SEMA3A: variants seen among roughly 807,000 people sequenced by gnomAD.
SEMA3A encodes the protein semaphorin 3A.
SEMA3A carries 29 observed loss-of-function variants against 97.9 expected under a neutral mutation model. The observed-to-expected ratio is 0.30, with a 90% CI of 0.22 to 0.40. SEMA3A has a LOEUF of 0.40. Ranked by LOEUF, SEMA3A falls within the 10% of genes least tolerant of loss-of-function variation. The pLI is 1.00. For missense variants in SEMA3A, 763 were observed against 951.3 expected (o/e 0.80, Z 2.60); for synonymous variants, 321 against 323.7 (o/e 0.99, Z 0.09).
At chr7:84,196,353 TTCTCTCTCTCTCTC>T (rs60887913), upstream of SEMA3A, among the ~76,000 whole-genome samples, 1 of 149,148 alleles carries the variant, frequency 6.7e-6, no homozygotes, top group Admixed American at 6.7e-5. Flanking sequence ...TCGCTCTGCT[TTCTCTCTCTCTCTC>T]TCTCTCTCTC....
intron 3 of SEMA3A, among the ~76,000 whole-genome samples, chr7:84,227,171 T>C (rs1248502466): frequency 2.0e-5 from 3 of 151,676 alleles, no homozygotes; most frequent in Non-Finnish European, 4.4e-5. Context: ...TATATGTATC[T>C]ATATATCTAT....
At chr7:84,062,827 G>T (rs987317345) in intron 4 of SEMA3A, among the ~76,000 whole-genome samples, 2 of 149,896 alleles carry the variant, frequency 1.3e-5, no homozygotes, top group Admixed American at 1.3e-4. Flanking sequence ...CTACAAGGCC[G>T]CAGCGAGGCG....
intron 12 of SEMA3A, among the ~76,000 whole-genome samples, chr7:83,988,580 A>T (rs572348415): frequency 3.3e-5 from 5 of 152,258 alleles, no homozygotes; most frequent in African/African-American, 1.2e-4. Flanking sequence ...TTTCTTAACA[A>T]ATTTAAGACA....
chr7:83,966,606 C>T (rs1457549117), intron 15 of SEMA3A, among the ~76,000 whole-genome samples: 1 of 152,150 alleles, frequency 6.6e-6, no homozygotes, highest in Admixed American at 6.5e-5. Context: ...CTATCAATCA[C>T]GATCAAGATA....
intron 1 of SEMA3A, among the ~76,000 whole-genome samples, chr7:84,184,031 G>C (rs564919139): frequency 3.1e-4 from 47 of 152,202 alleles, no homozygotes; most frequent in Middle Eastern, 6.8e-3. Flanking sequence ...ATATAGTTGT[G>C]AACAGAAGTA....
rs113693416 is a variant in SEMA3A, at chr7:84,174,167, C to T, written c.112+20308G>A. 3.4e-3 allele frequency among the ~76,000 whole-genome samples: 520 copies of T among 151,950 alleles called. 2 individuals are homozygous for T. The highest frequency in any genetic ancestry group is 0.012 in the African/African-American group (499 of 41,442). ...AGTGAGTTGAAAAAAAAAAGGTGCA[C>T]AGTAAATGTAATGTATTTGAATCAT... On this transcript the variant is annotated intron_variant, in intron 1 of 16. Transcript: ENST00000265362.
rs539136591 is a variant in SEMA3A at position 84,352,024 on chromosome 7, G to A, written c.-169+19800C>T. 2.6e-4 allele frequency among the ~76,000 whole-genome samples: 38 copies of A among 145,914 alleles called. No individual in the cohort carries two copies. In the South Asian group the frequency reaches 8.2e-3, roughly 31 times the overall value. ...AGAAAATGTAGTATAGATACACAAT[G>A]TATTATGCAGCCATAAGAAAAAAAA... On this transcript the variant is annotated intron_variant, in intron 2 of 3. Transcript: ENST00000424555.
chr7:84,032,620 G>C (rs565173099), intron 6 of SEMA3A, among the ~76,000 whole-genome samples: 1 of 152,100 alleles, frequency 6.6e-6, no homozygotes, highest in African/African-American at 2.4e-5. Flanking sequence ...ATTAGAATTC[G>C]TGCAAAACAA....
intron 12 of SEMA3A, among the ~76,000 whole-genome samples, chr7:84,001,066 C>T (rs71558703): frequency 0.23 from 25,223 of 111,206 alleles, 2,344 homozygotes; most frequent in Middle Eastern, 0.3. Context: ...TCTTCTAATA[C>T]GTGTTTTTTT....
chr7:84,244,715 G>T (rs1419125157), intron 3 of SEMA3A, among the ~76,000 whole-genome samples: 1 of 151,964 alleles, frequency 6.6e-6, no homozygotes. Flanking sequence ...TTTTTTTAGT[G>T]GCTGTTACCA....
intron 5 of SEMA3A, among the ~76,000 whole-genome samples, chr7:84,055,499 A>C (rs34031325): frequency 9.8e-4 from 149 of 152,024 alleles, no homozygotes; most frequent in African/African-American, 3.3e-3. Context: ...TTCTTTGACT[A>C]GGAAAGGGAA....
intron 4 of SEMA3A, among the ~76,000 whole-genome samples, chr7:84,091,708 G>C (rs551439636): frequency 6.6e-6 from 1 of 152,190 alleles, no homozygotes; most frequent in African/African-American, 2.4e-5. Context: ...TTTTAATTTG[G>C]CTCCAATTTT....
intron 4 of SEMA3A, among the ~76,000 whole-genome samples, chr7:84,070,780 C>T (rs1280058142): frequency 6.6e-6 from 1 of 152,004 alleles, no homozygotes; most frequent in Non-Finnish European, 1.5e-5. Context: ...CTTCCTTCTG[C>T]CCTCACTCAT....
chr7:84,255,402 ACT>A (rs1799696190), intron 3 of SEMA3A, among the ~76,000 whole-genome samples: 1 of 151,950 alleles, frequency 6.6e-6, no homozygotes, highest in Non-Finnish European at 1.5e-5. Context: ...CAAAGGCAAC[ACT>A]CTTTCATAGC....
At chr7:84,357,543 C>T (rs1465227267) in intron 2 of SEMA3A, among the ~76,000 whole-genome samples, 7 of 152,086 alleles carry the variant, frequency 4.6e-5, no homozygotes, top group Non-Finnish European at 8.8e-5. Context: ...CATTGTTGGA[C>T]ATTTGGATTG....
chr7:84,202,901 T>A (rs1584120399), intron 3 of SEMA3A, among the ~76,000 whole-genome samples: 1 of 152,322 alleles, frequency 6.6e-6, no homozygotes, highest in Middle Eastern at 3.4e-3. Context: ...TATTTTGGCA[T>A]AATGTGCTTA....
At chr7:84,436,684 T>C (rs1415643609) in intron 1 of SEMA3A, among the ~76,000 whole-genome samples, 1 of 152,162 alleles carries the variant, frequency 6.6e-6, no homozygotes, top group East Asian at 1.9e-4. Flanking sequence ...ATACTGACAG[T>C]AAATTTGTGT....
intron 15 of SEMA3A, among the ~76,000 whole-genome samples, chr7:83,965,774 G>A (rs1283271950): frequency 2.2e-5 from 3 of 136,924 alleles, no homozygotes; most frequent in Non-Finnish European, 3.1e-5. Flanking sequence ...TCCGCCTCCC[G>A]GGTTCATGCC....
chr7:84,160,017 T>G (rs58675984), intron 1 of SEMA3A, among the ~76,000 whole-genome samples: 9,736 of 152,146 alleles, frequency 0.064, 666 homozygotes, highest in African/African-American at 0.17. Flanking sequence ...ATACCATAAG[T>G]TGATCCTCAA....
Sources: allele counts gnomAD v4.1 joint callset (sites outside exome capture counted in the v4.1 genomes callset), GRCh38; gene constraint gnomAD v4.1.1; transcripts MANE v1.5; gene names NCBI Gene and HGNC (gene_info 2026-07-23, HGNC 2026-07-21).